The following NSG1 variants were observed in gnomAD, a reference collection of about 807,000 sequenced individuals.
NSG1 encodes neuronal vesicle trafficking associated 1.
In NSG1, 9 loss-of-function variants were observed where a neutral mutation model predicts 19.3. That is an observed-to-expected ratio of 0.47 (90% confidence interval 0.28 to 0.81). NSG1 has a LOEUF of 0.81. NSG1 is among the 40% of genes least tolerant of loss of function. The probability of loss-of-function intolerance (pLI) is 0.11; values close to 1 mark genes in which losing one functional copy is unlikely to be tolerated. For missense variants in NSG1, 236 were observed against 242.4 expected, an observed-to-expected ratio of 0.97 and a Z score of 0.18; for synonymous variants, 104 against 107.0, an observed-to-expected ratio of 0.97 and a Z score of 0.17.
chr4:4,392,306 C>A (rs1723035716), intron 3 of NSG1, among the ~76,000 whole-genome samples: 1 of 152,122 alleles, frequency 6.6e-6, no homozygotes, highest in Non-Finnish European at 1.5e-5. Flanking sequence ...TCAGGAAACT[C>A]ATTCTTTGGG....
At chr4:4,402,368 G>GTT (rs1560143233) in intron 3 of NSG1, among the ~76,000 whole-genome samples, 11 of 99,642 alleles carry the variant, frequency 1.1e-4, no homozygotes, top group African/African-American at 3.3e-4. Flanking sequence ...ACCACGCCTG[G>GTT]TTATTTTTTT....
At chr4:4,414,961 C>G (rs13106900) in intron 4 of NSG1, among the ~76,000 whole-genome samples, 1 of 144,570 alleles carries the variant, frequency 6.9e-6, no homozygotes, top group Admixed American at 6.8e-5. Flanking sequence ...TAAAAAAAAA[C>G]AACAACAACA....
In NSG1 at chr4:4,387,690, G is replaced by A. The variant is rs1393641138; in HGVS notation, c.61G>A (p.Gly21Ser). Residue 21 changes from glycine (G) to serine (S), a missense_variant, in exon 2 of 5, where the codon GGC (glycine) becomes AGC (serine). By Grantham distance (56) the Gly-to-Ser change is moderately conservative. Coordinates refer to ENST00000621129, the MANE Select transcript of NSG1 (RefSeq NM_014392.5). ...CACCAAGCAGCCGCTGCTGGAGGAT[G>A]GCTTCGACACCATTCCCCTGATGAC... ...KGTKQPLLED[G>S]FDTIPLMTPL... The A allele has an allele frequency of 3.1e-6, 5 of 1,613,750 alleles. No individual in the cohort carries two copies. The Admixed American group carries it at 6.7e-5, about 22-fold the overall frequency.
At chr4:4,412,689 C>T (rs973854324) in intron 4 of NSG1, among the ~76,000 whole-genome samples, 5 of 152,182 alleles carry the variant, frequency 3.3e-5, no homozygotes, top group African/African-American at 7.2e-5. Flanking sequence ...CTGTTGCTCA[C>T]GGAATCCATA....
Position 4,417,396 on chromosome 4 carries a change from G to A in NSG1, c.519G>A (p.Leu173=), listed in dbSNP as rs150012050. The A allele has an allele frequency of 2.4e-5, 39 of 1,614,120 alleles. No individual in the cohort carries two copies. The highest frequency in any genetic ancestry group is 1.6e-4 in the Middle Eastern group (1 of 6,084). Residue 173 remains leucine, a synonymous_variant, in exon 5 of 5, where the codon CTG becomes CTA. Coordinates refer to ENST00000621129, the MANE Select transcript of NSG1 (RefSeq NM_014392.5). ...TGTCAGTTCTGTCAGAAGAGAAGCT[G>A]TCCGAGCAGGAGACTGAAGCGGCTG... ...PWMSVLSEEK[L]SEQETEAAEK...
intron 3 of NSG1, among the ~76,000 whole-genome samples, chr4:4,401,867 C>G (rs938927261): frequency 2.6e-5 from 4 of 151,976 alleles, no homozygotes; most frequent in Non-Finnish European, 5.9e-5. Context: ...AATATAGATT[C>G]ACCAGTGTCA....
At chr4:4,416,730 CTG>C (rs1381201203) in intron 4 of NSG1, among the ~76,000 whole-genome samples, 1 of 151,998 alleles carries the variant, frequency 6.6e-6, no homozygotes, top group African/African-American at 2.4e-5. Context: ...CCTAGTGGCT[CTG>C]TGTGCCTCTT....
chr4:4,412,029 C>A (rs1724232568), intron 4 of NSG1, among the ~76,000 whole-genome samples: 1 of 152,260 alleles, frequency 6.6e-6, no homozygotes, highest in Non-Finnish European at 1.5e-5. Flanking sequence ...TATACCAGCA[C>A]CTCCGCAAAG....
chr4:4,387,863 G>T, intron 2 of NSG1, 105 bp downstream of exon 2: 3 of 988,544 alleles, frequency 3.0e-6, no homozygotes, highest in Admixed American at 4.1e-5. Flanking sequence ...ACGCGAAGTG[G>T]GGGCGGGCTC....
At chr4:4,402,368 G>GTTTT (rs1560143233) in intron 3 of NSG1, among the ~76,000 whole-genome samples, 8 of 99,598 alleles carry the variant, frequency 8.0e-5, no homozygotes, top group African/African-American at 3.3e-4. Flanking sequence ...ACCACGCCTG[G>GTTTT]TTATTTTTTT....
intron 1 of NSG1, among the ~76,000 whole-genome samples, 152 bp from the exon 2 acceptor site, chr4:4,387,452 G>A (rs1253579402): frequency 6.6e-6 from 1 of 152,138 alleles, no homozygotes; most frequent in Non-Finnish European, 1.5e-5. Context: ...GCATCGGGCC[G>A]TGACCACCGC....
chr4:4,388,431 C>T (rs549805459), intron 2 of NSG1, among the ~76,000 whole-genome samples: 1 of 152,372 alleles, frequency 6.6e-6, no homozygotes, highest in Non-Finnish European at 1.5e-5. Context: ...TAAAGAATCT[C>T]CTCTTTTTGA....
At chr4:4,396,108 T>C (rs892032367) in intron 3 of NSG1, among the ~76,000 whole-genome samples, 2 of 152,202 alleles carry the variant, frequency 1.3e-5, no homozygotes, top group Non-Finnish European at 2.9e-5. Flanking sequence ...AGTCGCTTAA[T>C]TAACTGGAGG....
intron 4 of NSG1, among the ~76,000 whole-genome samples, chr4:4,415,488 C>T (rs1380757279): frequency 6.6e-6 from 1 of 152,100 alleles, no homozygotes; most frequent in Non-Finnish European, 1.5e-5. Flanking sequence ...GAAAGCCTTC[C>T]CTGGCCCATG....
chr4:4,411,546 C>T (rs189486314), intron 4 of NSG1, among the ~76,000 whole-genome samples: 174 of 152,278 alleles, frequency 1.1e-3, no homozygotes, highest in African/African-American at 4.0e-3. Flanking sequence ...GAGTTCAAGA[C>T]CAGTCTGGCC....
intron 3 of NSG1, among the ~76,000 whole-genome samples, chr4:4,403,749 ACAGT>A (rs1253413941): frequency 2.6e-5 from 4 of 152,254 alleles, no homozygotes; most frequent in Non-Finnish European, 4.4e-5. Context: ...TTTGTAAAAC[ACAGT>A]CAGTAATACT....
At position 4,406,456 on chromosome 4, in the gene NSG1, T is replaced by C. The variant is rs147835120; in HGVS notation, c.247-3117T>C. ...AGGCCAGTTAAATGGAACCAAGTCCTTCTGGACCACCCTGAGTGAGGCAGC... is the reference window on the plus strand; with the variant it reads ...AGGCCAGTTAAATGGAACCAAGTCCCTCTGGACCACCCTGAGTGAGGCAGC... On this transcript the variant is annotated intron_variant, in intron 3 of 4. Transcript: ENST00000621129. Among the ~76,000 whole-genome samples the C allele has an allele frequency of 2.7e-3, 418 of 152,292 alleles. 3 individuals carry two copies. Among genetic ancestry groups the C allele is most frequent in the African/African-American group, 9.6e-3 (399 of 41,572 alleles).
chr4:4,394,176 A>G (rs990346851), intron 3 of NSG1, among the ~76,000 whole-genome samples: 1 of 152,202 alleles, frequency 6.6e-6, no homozygotes, highest in Non-Finnish European at 1.5e-5. Flanking sequence ...TTCTTGGAGA[A>G]GTGGGTTTGT....
chr4:4,418,515 G>C lies in NSG1; in HGVS notation c.*1080G>C, dbSNP rs1369376863. 6.6e-6 allele frequency: 1 copy of C among 152,648 alleles called. No individual in the cohort carries two copies. Among genetic ancestry groups the C allele is most frequent in the East Asian group, 1.9e-4 (1 of 5,198 alleles). The allele number at this position is 152,648 out of a possible 1,614,324, so 9.5% of individuals were successfully genotyped here. A position where few individuals can be genotyped will look rare whatever the true frequency, so the allele number is the denominator to read the frequency against. On this transcript the variant is annotated 3_prime_UTR_variant, in exon 5 of 5. Coordinates refer to ENST00000621129, the MANE Select transcript of NSG1 (RefSeq NM_014392.5). ...CTTTGTAAGAAAATTGTTCCAGTTT[G>C]AATCTTGATATTAAAGTTTATGTTT...
Sources: allele counts gnomAD v4.1 joint callset (sites outside exome capture counted in the v4.1 genomes callset), GRCh38; gene constraint gnomAD v4.1.1; transcripts MANE v1.5; gene names NCBI Gene and HGNC (gene_info 2026-07-23, HGNC 2026-07-21).